Variants in SSPN observed in about 807,000 individuals in gnomAD.
SSPN encodes the protein sarcospan.
Under a neutral mutation model 19.1 loss-of-function variants are expected in SSPN, and 15 were observed. The observed-to-expected ratio is 0.78, with a 90% CI of 0.52 to 1.21. The LOEUF (loss-of-function observed/expected upper bound fraction) is 1.21. Among genes scored for constraint, SSPN ranks in the 50% most tolerant of loss-of-function variants. The pLI is 0.00. For synonymous variants in SSPN, 147 were observed against 140.3 expected (o/e 1.05, Z -0.34); for missense variants, 291 against 314.0 (o/e 0.93, Z 0.55).
At chr12:26,122,271 A>G in intron 1 of SSPN, 1 of 1,212,254 alleles carries the variant, frequency 8.2e-7, no homozygotes, top group East Asian at 3.4e-5. Context: ...CACCGAGGAC[A>G]GGCAGGGGAA....
intron 1 of SSPN, among the ~76,000 whole-genome samples, chr12:26,135,951 T>C (rs1378212221): frequency 6.6e-6 from 1 of 152,250 alleles, no homozygotes; most frequent in Non-Finnish European, 1.5e-5. Context: ...GAAATAGACA[T>C]ATCTCATATT....
chr12:26,176,705 G>C (rs1051368147), intron 1 of SSPN, among the ~76,000 whole-genome samples: 2 of 152,186 alleles, frequency 1.3e-5, no homozygotes, highest in African/African-American at 4.8e-5. Context: ...TAGCGACTTT[G>C]TCCTCTAACA....
intron 1 of SSPN, among the ~76,000 whole-genome samples, chr12:26,188,043 T>C (rs921563986): frequency 6.6e-6 from 1 of 152,214 alleles, no homozygotes; most frequent in African/African-American, 2.4e-5. Context: ...CACCAGGAAA[T>C]GTTCTCCATG....
intron 1 of SSPN, among the ~76,000 whole-genome samples, chr12:26,203,423 C>A (rs544419683): frequency 4.0e-5 from 6 of 151,738 alleles, no homozygotes; most frequent in African/African-American, 1.2e-4. Context: ...ACGATGAGTT[C>A]ATAAGCTTAC....
At chr12:26,169,856 T>C (rs1944643781) in intron 1 of SSPN, among the ~76,000 whole-genome samples, 1 of 152,212 alleles carries the variant, frequency 6.6e-6, no homozygotes, top group South Asian at 2.1e-4. Flanking sequence ...AGAAGGATAT[T>C]GGACTCATGC....
intron 1 of SSPN, among the ~76,000 whole-genome samples, chr12:26,159,702 G>A (rs566618559): frequency 1.2e-4 from 18 of 152,218 alleles, no homozygotes; most frequent in Non-Finnish European, 2.2e-4. Flanking sequence ...TTTAATATTC[G>A]TCTCCAGAGG....
At chr12:26,129,723 G>C (rs1944387112) in intron 1 of SSPN, among the ~76,000 whole-genome samples, 1 of 152,176 alleles carries the variant, frequency 6.6e-6, no homozygotes, top group African/African-American at 2.4e-5. Flanking sequence ...ACATACCTAT[G>C]AACCATGTTT....
intron 1 of SSPN, among the ~76,000 whole-genome samples, chr12:26,188,584 A>G (rs1944768476): frequency 6.6e-6 from 1 of 152,212 alleles, no homozygotes; most frequent in Non-Finnish European, 1.5e-5. Context: ...CCTAAAGACA[A>G]CTCTCCAAAC....
intron 1 of SSPN, chr12:26,122,442 G>T (rs1262635418): frequency 7.4e-7 from 1 of 1,356,698 alleles, no homozygotes; most frequent in Non-Finnish European, 9.6e-7. Flanking sequence ...GGCGGCAGCT[G>T]CAGAAGGCGA....
intron 1 of SSPN, among the ~76,000 whole-genome samples, chr12:26,212,626 A>G (rs1229349190): frequency 6.6e-6 from 1 of 152,018 alleles, no homozygotes; most frequent in Non-Finnish European, 1.5e-5. Context: ...AGAGCTTTTC[A>G]TCGGCAACTT....
At chr12:26,136,757 T>A (rs1944427529) in intron 1 of SSPN, among the ~76,000 whole-genome samples, 3 of 152,204 alleles carry the variant, frequency 2.0e-5, no homozygotes, top group Admixed American at 2.0e-4. Context: ...ATTAATGAGA[T>A]ATAGTTAAGA....
chr12:26,220,483 G>A (rs369731553), intron 1 of SSPN, among the ~76,000 whole-genome samples: 5 of 152,058 alleles, frequency 3.3e-5, no homozygotes, highest in East Asian at 1.9e-4. Flanking sequence ...AAATATACCC[G>A]AGATGCTTTC....
chr12:26,188,788 C>T (rs1335834770), intron 1 of SSPN, among the ~76,000 whole-genome samples: 1 of 152,186 alleles, frequency 6.6e-6, no homozygotes, highest in East Asian at 1.9e-4. Context: ...TGTTTCTGCA[C>T]TCATGGGACT....
rs367905318 is a variant in SSPN, at chr12:26,233,478, A to AAAAG, written c.*2414_*2417dup. 6.6e-6 allele frequency: 1 copy of AAAAG among 152,140 alleles called. No individual in the cohort carries two copies. The highest frequency in any genetic ancestry group is 1.5e-5 in the Non-Finnish European group (1 of 68,024). The allele number at this position is 152,140 out of a possible 1,614,324, so 9.4% of individuals were successfully genotyped here. A position where few individuals can be genotyped will look rare whatever the true frequency, so the allele number is the denominator to read the frequency against. ...TAAACAAATAGAAAGAACTAAACAG[A>AAAAG]AAAGAAAGAAAGAAAAGATCCCTTT... On this transcript the variant is annotated 3_prime_UTR_variant, in exon 3 of 3. Transcript: ENST00000242729. This position sits in a 1 kb window ranked among gnomAD's most constrained non-coding sequence, Gnocchi z 4.3.
chr12:26,161,132 A>G (rs1944586252), intron 1 of SSPN, among the ~76,000 whole-genome samples: 2 of 149,858 alleles, frequency 1.3e-5, no homozygotes, highest in South Asian at 4.3e-4. Flanking sequence ...AAAAAAAATC[A>G]AAGTCATGTC....
Position 26,231,225 on chromosome 12 carries a change from G to C in SSPN, c.*149G>C. The C allele has an allele frequency of 5.9e-6, 7 of 1,184,194 alleles. No individual in the cohort carries two copies. The highest frequency in any genetic ancestry group is 1.9e-5 in the South Asian group (1 of 52,008). The allele number at this position is 1,184,194 out of a possible 1,614,324, so 73.4% of individuals were successfully genotyped here. A position where few individuals can be genotyped will look rare whatever the true frequency, so the allele number is the denominator to read the frequency against. ...ATTTTTATATTTTTATGAAACAAAA[G>C]AGCATTTCTTCAGGTTTCTATTGTA... On this transcript the variant is annotated 3_prime_UTR_variant, in exon 3 of 3. Transcript: ENST00000242729.
At chr12:26,183,372 T>G (rs1187310474) in intron 1 of SSPN, among the ~76,000 whole-genome samples, 1 of 152,096 alleles carries the variant, frequency 6.6e-6, no homozygotes. Context: ...CCTCAGCCTC[T>G]CAAAGTGTTA....
intron 1 of SSPN, among the ~76,000 whole-genome samples, chr12:26,144,031 G>T (rs1944475637): frequency 6.6e-6 from 1 of 152,144 alleles, no homozygotes; most frequent in Admixed American, 6.5e-5. Flanking sequence ...CTATATTATG[G>T]TGAGTTGTAT....
At chr12:26,161,626 C>T (rs1944589568) in intron 1 of SSPN, among the ~76,000 whole-genome samples, 2 of 152,144 alleles carry the variant, frequency 1.3e-5, no homozygotes, top group Non-Finnish European at 2.9e-5. Context: ...GTAAACTACA[C>T]AAGGTCAGGG....
Sources: allele counts gnomAD v4.1 joint callset (sites outside exome capture counted in the v4.1 genomes callset), GRCh38; gene constraint gnomAD v4.1.1; non-coding constraint Gnocchi (gnomAD v3.1); transcripts MANE v1.5; gene names NCBI Gene and HGNC (gene_info 2026-07-23, HGNC 2026-07-21).